The following TTN variants were observed in gnomAD, a reference collection of about 807,000 sequenced individuals.
The protein encoded by TTN is connectin.
In TTN, 1,525 loss-of-function variants were observed where a neutral mutation model predicts 3,223.0. The observed-to-expected ratio is 0.47, with a 90% confidence interval of 0.45 to 0.49. TTN has a LOEUF of 0.49. Ranked by LOEUF, TTN falls within the 20% of genes least tolerant of loss-of-function variation. The probability of loss-of-function intolerance (pLI) is 0.00; values close to 1 mark genes in which losing one functional copy is unlikely to be tolerated. For missense variants in TTN, 40,786 were observed against 43,424.0 expected (o/e 0.94, Z 5.40); for synonymous variants, 14,094 against 15,161.0 (o/e 0.93, Z 5.17).
At chr2:178,743,820 A>G (rs2082934438) in intron 47 of TTN, among the ~76,000 whole-genome samples, 1 of 152,008 alleles carries the variant, frequency 6.6e-6, no homozygotes, top group Non-Finnish European at 1.5e-5. Flanking sequence ...GATATATTAC[A>G]TTATGTCTAT....
At chr2:178,681,567 T>G (rs1035241672) in intron 136 of TTN, 94 bp downstream of exon 136, 16 of 1,466,844 alleles carry the variant, frequency 1.1e-5, no homozygotes, top group Non-Finnish European at 1.4e-5. Context: ...CACACATAAT[T>G]TGTACACTGC....
rs2048271692 is a variant in TTN at position 178,583,600 on chromosome 2, A to G, written c.65575+7T>C. On this transcript the variant is annotated splice_region_variant and intron_variant, in intron 312 of 362. Coordinates refer to ENST00000589042, the MANE Select transcript of TTN (RefSeq NM_001267550.2). ...ATCTTTGCCTATAATACTCAGCAGA[A>G]TCTTACCATTTTCTGCGAGGATAGT... The G allele has an allele frequency of 2.5e-6, 4 of 1,589,224 alleles. No homozygotes were observed. The highest frequency in any genetic ancestry group is 3.4e-6 in the Non-Finnish European group (4 of 1,165,716).
rs781209950 is a variant in TTN at position 178,663,711 on chromosome 2, C to G, written c.36449-1G>C. Reference sequence around the variant, plus strand: ...ACTACTTCTTTGGGAGGCTCTGGTACTTAAAAGATATTAGCAAAATTACAT... The same window carrying G: ...ACTACTTCTTTGGGAGGCTCTGGTAGTTAAAAGATATTAGCAAAATTACAT... On this transcript the variant is annotated splice_acceptor_variant, in intron 170 of 362. Coordinates refer to ENST00000589042, the MANE Select transcript of TTN (RefSeq NM_001267550.2). LOFTEE classifies it high-confidence loss of function. 1.2e-6 allele frequency: 2 copies of G among 1,613,092 alleles called. No homozygotes were observed. Among genetic ancestry groups the G allele is most frequent in the Non-Finnish European group, 1.7e-6 (2 of 1,179,674 alleles).
chr2:178,757,260 G>A (rs1226510935), intron 45 of TTN, among the ~76,000 whole-genome samples: 1 of 5,358 alleles, frequency 1.9e-4, no homozygotes, highest in East Asian at 3.9e-3. Flanking sequence ...ATGATGCAAT[G>A]ATACAATATT....
chr2:178,707,723 C>T lies in TTN; in HGVS notation c.28844G>A (p.Gly9615Glu), dbSNP rs754640016. The change falls in exon 100 of 363, where the codon GGA (glycine) becomes GAA (glutamate). Residue 9615 changes from glycine (G) to glutamate (E), a missense_variant. Coordinates refer to ENST00000589042, the MANE Select transcript of TTN (RefSeq NM_001267550.2). ...EYVQLSCHVQGSEPIRIQWLK... is the reference protein window; with the variant it reads ...EYVQLSCHVQESEPIRIQWLK... ...CCACTGGATCCTAATTGGCTCAGATCCCTGGACATGGCAGCTGAGCTGCAC... is the reference window on the plus strand; with the variant it reads ...CCACTGGATCCTAATTGGCTCAGATTCCTGGACATGGCAGCTGAGCTGCAC... 6.2e-7 allele frequency: 1 copy of T among 1,613,976 alleles called. No individual in the cohort carries two copies. The highest frequency in any genetic ancestry group is 1.7e-5 in the Admixed American group (1 of 60,010).
At chr2:178,804,793 C>G (rs544474409) in intron 1 of TTN, 138 bp from the exon 2 acceptor site, 1 of 759,708 alleles carries the variant, frequency 1.3e-6, no homozygotes, top group Admixed American at 2.5e-5. Flanking sequence ...ATGGGCAGGT[C>G]TTCTCTTTTG....
rs1382391114 is a variant in TTN, at chr2:178,535,662, T to A, written c.100953A>T (p.Thr33651=). 1 of 1,613,862 alleles carries A rather than the reference T, an allele frequency of 6.2e-7. No homozygotes were observed. Among genetic ancestry groups the A allele is most frequent in the Admixed American group, 1.7e-5 (1 of 60,016 alleles). Residue 33651 remains threonine, a synonymous_variant, in exon 358 of 363, where the codon ACA becomes ACT. Transcript: ENST00000589042. ...CTACCCCATTGGGGAAAACAAGTGA[T>A]GTGAAGGATCTTGTGACAATAACTT... The part of the protein sequence containing the change: ...HYQVIVTRSF[T]SLVFPNGVER...
Position 178,652,458 on chromosome 2 carries a change from C to T in TTN, c.39127G>A (p.Val13043Met), listed in dbSNP as rs560962534. 3.7e-6 allele frequency: 6 copies of T among 1,613,366 alleles called. No individual in the cohort carries two copies. In the South Asian group the frequency reaches 5.5e-5, roughly 15 times the overall value. Reference protein sequence around the residue: ...PKKPEVTPVKVPEAPKEVVPE... With the variant: ...PKKPEVTPVKMPEAPKEVVPE... ...GAAGCCTAAAATCAGTGACAAATAC[C>T]TTTAACAGGTGTGACTTCAGGCTTT... The change falls in exon 202 of 363, where the codon GTG becomes ATG. Residue 13043 changes from valine (V) to methionine (M), a missense_variant and splice_region_variant. Transcript: ENST00000589042.
intron 47 of TTN, chr2:178,750,666 CAG>C (rs1266549013): frequency 2.5e-6 from 4 of 1,612,728 alleles, no homozygotes; most frequent in African/African-American, 1.3e-5. Flanking sequence ...CGTGTAGAAG[CAG>C]AGAGTTGTAA....
chr2:178,615,482 C>A lies in TTN; in HGVS notation c.48463G>T (p.Val16155Leu), dbSNP rs748631024. ...TTAACATTCTCTGGTGGGTCAGGTACCGCTACAACATTTGGAAGAGAGAGT... is the reference window on the plus strand; with the variant it reads ...TTAACATTCTCTGGTGGGTCAGGTAACGCTACAACATTTGGAAGAGAGAGT... ...EPVNMSTPAT[V>L]PDPPENVKWR... Residue 16155 changes from valine (V) to leucine (L), a missense_variant and splice_region_variant, in exon 259 of 363, where the codon GTA (valine) becomes TTA (leucine). Val to Leu is a conservative substitution (Grantham distance 32). Transcript: ENST00000589042. 1 of 1,610,786 alleles carries A rather than the reference C, an allele frequency of 6.2e-7. No homozygotes were observed. The highest frequency in any genetic ancestry group is 2.2e-5 in the East Asian group (1 of 44,744).
intron 24 of TTN, chr2:178,778,240 TA>T (rs2092434730): frequency 2.1e-6 from 1 of 470,822 alleles, no homozygotes; most frequent in Admixed American, 3.4e-5. Flanking sequence ...TAATCCTCAA[TA>T]CTCTCTTTTC....
In TTN at chr2:178,712,947, A is replaced by G; in HGVS notation, c.27078T>C (p.Asp9026=). Reference sequence around the variant, plus strand: ...TGGTCCCAGTTAAAACATCCATGGGATCAGGTTTCTGAACAAAAGATGGTG... The same window carrying G: ...TGGTCCCAGTTAAAACATCCATGGGGTCAGGTTTCTGAACAAAAGATGGTG... ...REPPSFVQKP[D]PMDVLTGTNV... Residue 9026 remains aspartate, a synonymous_variant, in exon 94 of 363, where the codon GAT becomes GAC. Transcript: ENST00000589042. 6.2e-7 allele frequency: 1 copy of G among 1,612,992 alleles called. No individual in the cohort carries two copies. Among genetic ancestry groups the G allele is most frequent in the Non-Finnish European group, 8.5e-7 (1 of 1,179,342 alleles).
chr2:178,748,517 G>A (rs147083109), intron 47 of TTN: 61 of 1,612,884 alleles, frequency 3.8e-5, no homozygotes, highest in Non-Finnish European at 5.0e-5. Context: ...CTCCAGAGCT[G>A]GATCTCCTAT....
intron 109 of TTN, 135 bp from the exon 110 acceptor site, chr2:178,701,722 T>G: frequency 2.2e-6 from 2 of 890,560 alleles, no homozygotes; most frequent in Non-Finnish European, 3.4e-6. Context: ...ACAGACAAAA[T>G]AATATTAGTA....
intron 88 of TTN, 129 bp downstream of exon 88, chr2:178,716,966 T>A: frequency 9.8e-7 from 1 of 1,017,514 alleles, no homozygotes; most frequent in Non-Finnish European, 1.3e-6. Context: ...AGGTCCTTGA[T>A]CCACTTGATC....
rs920201335 is a variant in TTN, at chr2:178,552,705, A to G, written c.90195T>C (p.Tyr30065=). ...DFDGGSVITE[Y]VVERKGKGEQ... ...CACCTTTACCTTTCCTTTCTACAAC[A>G]TATTCTGTGATGACGCTACCACCAT... The change falls in exon 335 of 363, where the codon TAT becomes TAC. Residue 30065 remains tyrosine, a synonymous_variant. Coordinates refer to ENST00000589042, the MANE Select transcript of TTN (RefSeq NM_001267550.2). The G allele has an allele frequency of 1.9e-6, 3 of 1,613,746 alleles. No homozygotes were observed. The highest frequency in any genetic ancestry group is 2.2e-5 in the South Asian group (2 of 91,084).
At position 178,564,830 on chromosome 2, in the gene TTN, C is replaced by G. The variant is rs201490050; in HGVS notation, c.81302G>C (p.Gly27101Ala). 1 of 1,613,082 alleles carries G rather than the reference C, an allele frequency of 6.2e-7. No homozygotes were observed. The highest frequency in any genetic ancestry group is 1.7e-5 in the Admixed American group (1 of 59,928). ...VQWHEPVNDG[G>A]TKIIGYHLEQ... ...AAGATGGTAGCCAATAATTTTGGTG[C>G]CTCCATCATTCACTGGCTCATGCCA... The change falls in exon 326 of 363, where the codon GGC becomes GCC. Residue 27101 changes from glycine (G) to alanine (A), a missense_variant. Gly to Ala is a moderately conservative substitution (Grantham distance 60). Coordinates refer to ENST00000589042, the MANE Select transcript of TTN (RefSeq NM_001267550.2).
chr2:178,550,063 T>C lies in TTN; in HGVS notation c.91775A>G (p.Asp30592Gly). ...TSLFVRDATRDHRGVYTVEAK... is the reference protein window; with the variant it reads ...TSLFVRDATRGHRGVYTVEAK... Reference sequence around the variant, plus strand: ...TTCCACTGTGTATACACCACGATGGTCCCGAGTAGCATCTCTAACAAATAG... The same window carrying C: ...TTCCACTGTGTATACACCACGATGGCCCCGAGTAGCATCTCTAACAAATAG... The change falls in exon 337 of 363, where the codon GAC becomes GGC. Residue 30592 changes from aspartate to glycine, a missense_variant. Transcript: ENST00000589042. The C allele has an allele frequency of 6.2e-7, 1 of 1,613,818 alleles. No individual in the cohort carries two copies.
chr2:178,670,570 G>C (rs2066801954), intron 156 of TTN, among the ~76,000 whole-genome samples: 3 of 151,924 alleles, frequency 2.0e-5, no homozygotes, highest in Non-Finnish European at 2.9e-5. Context: ...TGTTTTTGTG[G>C]AAGAGTTGCT....
Sources: gnomAD v4.1 joint callset for allele counts (sites outside exome capture counted in the v4.1 genomes callset) on GRCh38, gnomAD v4.1.1 for gene constraint, MANE v1.5 for transcripts, NCBI Gene and HGNC (gene_info 2026-07-23, HGNC 2026-07-21) for gene names.